KLF10: variants seen among roughly 807,000 people sequenced by gnomAD.
KLF10 encodes KLF transcription factor 10.
In KLF10, 17 loss-of-function variants were observed where a neutral mutation model predicts 31.6. The observed-to-expected ratio is 0.54, with a 90% CI of 0.37 to 0.81. KLF10 has a LOEUF of 0.81. KLF10 is among the 30% of genes least tolerant of loss of function. The pLI, the probability that KLF10 is intolerant of heterozygous loss-of-function variation, is 0.00. For missense variants in KLF10, 525 were observed against 598.1 expected (o/e 0.88, Z 1.27); for synonymous variants, 239 against 215.1 (o/e 1.11, Z -0.97).
chr8:102,653,691 T>C lies in KLF10; in HGVS notation c.37-1294A>G, dbSNP rs1022117598. ...AATTGCATAATCGCGCCCGCCTTTA[T>C]GTAAGCTGCAATGGACAGCGCGCGT... On this transcript the variant is annotated intron_variant, in intron 1 of 3. Transcript: ENST00000285407. The C allele has an allele frequency of 8.7e-6, 11 of 1,266,896 alleles. No homozygotes were observed. In the South Asian group the frequency reaches 1.0e-4, roughly 12 times the overall value. The allele number at this position is 1,266,896 out of a possible 1,614,324, so 78.5% of individuals were successfully genotyped here. A position where few individuals can be genotyped will look rare whatever the true frequency, so the allele number is the denominator to read the frequency against.
intron 1 of KLF10, among the ~76,000 whole-genome samples, chr8:102,654,553 C>T (rs1827312742): frequency 6.6e-6 from 1 of 152,000 alleles, no homozygotes; most frequent in Non-Finnish European, 1.5e-5. Context: ...CGCCGGCAGC[C>T]CCCGGGAACC....
At chr8:102,653,466 T>A in intron 1 of KLF10, 1 of 1,548,896 alleles carries the variant, frequency 6.5e-7, no homozygotes, top group Non-Finnish European at 8.7e-7. Context: ...ATGGTACTAC[T>A]CACCATTTCT....
Position 102,652,414 on chromosome 8 carries a change from G to A in KLF10, c.37-17C>T, listed in dbSNP as rs574361973. 5 of 1,474,102 alleles carry A rather than the reference G, an allele frequency of 3.4e-6. No homozygotes were observed. The East Asian group carries it at 9.4e-5, about 28-fold the overall frequency. The allele number at this position is 1,474,102 out of a possible 1,614,324, so 91.3% of individuals were successfully genotyped here. A position where few individuals can be genotyped will look rare whatever the true frequency, so the allele number is the denominator to read the frequency against. On this transcript the variant is annotated splice_polypyrimidine_tract_variant and intron_variant, in intron 1 of 3. Transcript: ENST00000285407. Reference sequence around the variant, plus strand: ...TCTTTCCTCCTATAAAAACAAAAGAGGAAAGCTTATAAGCATATTTTTTGT... The same window carrying A: ...TCTTTCCTCCTATAAAAACAAAAGAAGAAAGCTTATAAGCATATTTTTTGT...
At chr8:102,655,505 C>T in intron 1 of KLF10, 61 bp downstream of exon 1, 3 of 1,604,320 alleles carry the variant, frequency 1.9e-6, no homozygotes, top group Non-Finnish European at 1.7e-6. Flanking sequence ...GGTTCGCGCC[C>T]CCTTTGGCCC....
At position 102,655,688 on chromosome 8, in the gene KLF10, A is replaced by G. The variant is rs1202255372; in HGVS notation, c.-87T>C. 8.1e-6 allele frequency: 12 copies of G among 1,482,612 alleles called. No individual in the cohort carries two copies. Among genetic ancestry groups the G allele is most frequent in the Admixed American group, 1.9e-5 (1 of 52,784 alleles). 91.8% of individuals were successfully genotyped at this position (1,482,612 alleles called of 1,614,324 possible). ...ACAGACGGGCGCACGGAGACACTCG[A>G]CGCCGCTCCCGCCGCCGCCGCGCTC... On this transcript the variant is annotated 5_prime_UTR_variant, in exon 1 of 4. Coordinates refer to ENST00000285407, the MANE Select transcript of KLF10 (RefSeq NM_005655.4).
At position 102,653,498 on chromosome 8, in the gene KLF10, A is replaced by G. The variant is rs775769891; in HGVS notation, c.37-1101T>C. 5.2e-6 allele frequency: 8 copies of G among 1,539,008 alleles called. No individual in the cohort carries two copies. In the African/African-American group the frequency reaches 1.1e-4, roughly 21 times the overall value. On this transcript the variant is annotated intron_variant, in intron 1 of 3. Coordinates refer to ENST00000285407, the MANE Select transcript of KLF10 (RefSeq NM_005655.4). The stretch of plus-strand genomic sequence containing the variant: ...TTCTCCTATTTTCCATTAAAAGAAA[A>G]CTGTCCAGACTCGTTTGGTCAAAGT...
chr8:102,653,832 G>T, intron 1 of KLF10: 1 of 1,011,026 alleles, frequency 9.9e-7, no homozygotes, highest in Non-Finnish European at 1.2e-6. Context: ...GGAGGAAAGG[G>T]AGTGGGGCGC....
chr8:102,652,035 A>C lies in KLF10; in HGVS notation c.297T>G (p.Ser99=). The C allele has an allele frequency of 6.2e-7, 1 of 1,610,034 alleles. No homozygotes were observed. Among genetic ancestry groups the C allele is most frequent in the Non-Finnish European group, 8.5e-7 (1 of 1,178,210 alleles). Residue 99 remains serine, a synonymous_variant, in exon 3 of 4, where the codon TCT becomes TCG. Transcript: ENST00000285407. ...TTGACACTTGAGAGGGTTCAAAGTC[A>C]GAAGGACTGTAAGGTGGAGTCAAAC... is the stretch of plus-strand genomic sequence containing the variant. ...AFCLTPPYSP[S]DFEPSQVSNL...
rs1286216969 is a variant in KLF10, at chr8:102,651,535, C to T, written c.797G>A (p.Gly266Glu). ...GCAGATGACCGGCATAGGTGGCACT[C>T]CCCCTGCAGATACTGCAGGTGGAGA... The part of the protein sequence containing the change: ...LVSPPAVSAG[G>E]VPPMPVICQM... Residue 266 changes from glycine to glutamate, a missense_variant, in exon 3 of 4, where the codon GGA becomes GAA. Gly to Glu is a moderately conservative substitution (Grantham distance 98, BLOSUM62 -2). Transcript: ENST00000285407. 1 of 1,613,768 alleles carries T rather than the reference C, an allele frequency of 6.2e-7. No individual in the cohort carries two copies.
intron 1 of KLF10, chr8:102,653,942 G>T: frequency 1.0e-6 from 1 of 988,154 alleles, no homozygotes; most frequent in Non-Finnish European, 1.2e-6. Flanking sequence ...GAGACCGACG[G>T]ATGGGGCCGC....
chr8:102,651,723 G>A lies in KLF10; in HGVS notation c.609C>T (p.Ala203=), dbSNP rs373356757. 133 of 1,614,054 alleles carry A rather than the reference G, an allele frequency of 8.2e-5. No individual in the cohort carries two copies. Among genetic ancestry groups the A allele is most frequent in the Non-Finnish European group, 1.0e-4 (121 of 1,180,052 alleles). Residue 203 remains alanine (A), a synonymous_variant, in exon 3 of 4, where the codon GCC becomes GCT. Transcript: ENST00000285407. ...ATTTGGATCTGTTTGGTGACACAGC[G>A]GCACATGGTATGTTCTTTCTTGCAG... ...VEAARKNIPC[A]AVSPNRSKCE...
rs1262582781 is a variant in KLF10 at position 102,651,433 on chromosome 8, G to A, written c.899C>T (p.Ala300Val). Residue 300 changes from alanine to valine, a missense_variant, in exon 3 of 4, where the codon GCC (alanine) becomes GTC (valine). By Grantham distance (64) the Ala-to-Val change is moderately conservative (BLOSUM62 0). This residue lies in a region of KLF10 where 434 missense variants were observed against 450.7 expected (regional missense o/e 0.96). Transcript: ENST00000285407. ...CATGAACACAACAGGGGGGCAAACG[G>A]CTGGTGGCTGGCTGGGAGGAGTGCT... ...VPSTPPSQPP[A>V]VCPPVVFMGT... is the part of the protein sequence containing the mutation. 6.2e-7 allele frequency: 1 copy of A among 1,613,866 alleles called. No individual in the cohort carries two copies. The highest frequency in any genetic ancestry group is 1.7e-5 in the Admixed American group (1 of 60,000).
intron 1 of KLF10, chr8:102,654,034 T>C: frequency 1.0e-6 from 1 of 971,042 alleles, no homozygotes; most frequent in Non-Finnish European, 1.2e-6. Flanking sequence ...GCCCCCGCCA[T>C]TGGCCGGCCG....
At position 102,649,940 on chromosome 8, in the gene KLF10, G is replaced by T. The variant is rs1696041089; in HGVS notation, c.*192C>A. The T allele has an allele frequency of 3.2e-6, 2 of 624,516 alleles. No individual in the cohort carries two copies. Among genetic ancestry groups the T allele is most frequent in the African/African-American group, 1.8e-5 (1 of 54,264 alleles). The allele number at this position is 624,516 out of a possible 1,614,324, so 38.7% of individuals were successfully genotyped here. A position where few individuals can be genotyped will look rare whatever the true frequency, so the allele number is the denominator to read the frequency against. On this transcript the variant is annotated 3_prime_UTR_variant, in exon 4 of 4. Coordinates refer to ENST00000285407, the MANE Select transcript of KLF10 (RefSeq NM_005655.4). Reference sequence around the variant, plus strand: ...TCTTATGTGATAAGAAATGAAACCTGCCTTTCTGTGACCTGCCTGTGGCCG... The same window carrying T: ...TCTTATGTGATAAGAAATGAAACCTTCCTTTCTGTGACCTGCCTGTGGCCG...
intron 3 of KLF10, among the ~76,000 whole-genome samples, 180 bp from the exon 4 acceptor site, chr8:102,650,571 C>A (rs1237951199): frequency 6.6e-6 from 1 of 152,174 alleles, no homozygotes; most frequent in African/African-American, 2.4e-5. Context: ...ATCACATTTA[C>A]AAAACTCTTC....
At chr8:102,652,141 A>G (rs756094517) in intron 2 of KLF10, 23 bp downstream of exon 2, 3 of 1,513,062 alleles carry the variant, frequency 2.0e-6, no homozygotes, top group African/African-American at 1.4e-5. Context: ...ATTTACGTCT[A>G]TCTTAAAAAC....
At position 102,652,348 on chromosome 8, in the gene KLF10, G is replaced by A. The variant is rs771456388; in HGVS notation, c.86C>T (p.Ser29Phe). Residue 29 changes from serine to phenylalanine, a missense_variant, in exon 2 of 4, where the codon TCC becomes TTC. Transcript: ENST00000285407. ...ACTTTTCTCTGCAGTTTTGTTCCAG[G>A]AATACATACTCTCTTTTGGCCTTTC... ...ISERPKESMYSWNKTAEKSDF... is the reference protein window; with the variant it reads ...ISERPKESMYFWNKTAEKSDF... The A allele has an allele frequency of 1.2e-6, 2 of 1,610,800 alleles. No homozygotes were observed. Among genetic ancestry groups the A allele is most frequent in the Non-Finnish European group, 1.7e-6 (2 of 1,177,962 alleles).
intron 1 of KLF10, among the ~76,000 whole-genome samples, chr8:102,652,773 A>G (rs746776877): frequency 3.9e-5 from 6 of 152,212 alleles, no homozygotes; most frequent in Non-Finnish European, 5.9e-5. Context: ...TAAGAAGAAA[A>G]GGAGTATTTT....
At chr8:102,654,579 C>T (rs1827313613) in intron 1 of KLF10, among the ~76,000 whole-genome samples, 1 of 152,012 alleles carries the variant, frequency 6.6e-6, no homozygotes, top group African/African-American at 2.4e-5. Flanking sequence ...GAGCCCTCGG[C>T]ACTTCCCGCC....
Sources: allele counts gnomAD v4.1 joint callset (sites outside exome capture counted in the v4.1 genomes callset), GRCh38; gene constraint gnomAD v4.1.1; regional missense constraint gnomAD v4.1.1; transcripts MANE v1.5; gene names NCBI Gene and HGNC (gene_info 2026-07-23, HGNC 2026-07-21).